UGGT2: variants seen among roughly 807,000 people sequenced by gnomAD.
UGGT2 encodes UDP-glucose glycoprotein glucosyltransferase 2.
In UGGT2, 180 loss-of-function variants were observed where a neutral mutation model predicts 192.1. That is an observed-to-expected ratio of 0.94 (90% confidence interval 0.83 to 1.06). The LOEUF is 1.06. Among genes scored for constraint, UGGT2 ranks in the 50% least tolerant of loss-of-function variants. The probability of loss-of-function intolerance (pLI) is 0.00; values close to 1 mark genes in which losing one functional copy is unlikely to be tolerated. For synonymous variants in UGGT2, 580 were observed against 591.0 expected, an observed-to-expected ratio of 0.98 and a Z score of 0.27; for missense variants, 1,849 against 1,795.7, an observed-to-expected ratio of 1.03 and a Z score of -0.54.
rs1566664253 is a variant in UGGT2 at position 95,902,908 on chromosome 13, T to C, written c.2448A>G (p.Glu816=). 1 of 1,613,592 alleles carries C rather than the reference T, an allele frequency of 6.2e-7. No individual in the cohort carries two copies. The highest frequency in any genetic ancestry group is 8.5e-7 in the Non-Finnish European group (1 of 1,179,662). ...CAGAGTAAATAGCTGTAGCAATTTCTTCCTTTGCCAGTTGCCCAAGAAAGC... is the reference window on the plus strand; with the variant it reads ...CAGAGTAAATAGCTGTAGCAATTTCCTCCTTTGCCAGTTGCCCAAGAAAGC... The part of the protein sequence containing the change: ...LRSFLGQLAK[E]EIATAIYSGD... The change falls in exon 21 of 39, where the codon GAA becomes GAG. Residue 816 remains glutamate, a synonymous_variant. Transcript: ENST00000376747.
intron 38 of UGGT2, among the ~76,000 whole-genome samples, chr13:95,816,178 G>A (rs1034384738): frequency 5.3e-5 from 8 of 152,194 alleles, no homozygotes; most frequent in African/African-American, 1.9e-4. Flanking sequence ...CTTAATGGCA[G>A]TGTAAGAACG....
chr13:95,923,722 C>T (rs565414924), intron 20 of UGGT2, among the ~76,000 whole-genome samples: 9 of 152,182 alleles, frequency 5.9e-5, no homozygotes, highest in East Asian at 3.9e-4. Context: ...ATTATGTATC[C>T]ATTTGAATTC....
intron 36 of UGGT2, among the ~76,000 whole-genome samples, chr13:95,847,626 G>A (rs1398098652): frequency 1.3e-5 from 2 of 152,030 alleles, no homozygotes; most frequent in Non-Finnish European, 2.9e-5. Context: ...GTCTTTTCAT[G>A]GCTTAATAGC....
intron 10 of UGGT2, among the ~76,000 whole-genome samples, chr13:95,976,247 C>T (rs1261427800): frequency 1.3e-5 from 2 of 152,068 alleles, no homozygotes; most frequent in African/African-American, 4.8e-5. Flanking sequence ...CTAAAGATGA[C>T]AGGATTTCTT....
chr13:95,895,301 A>T lies in UGGT2; in HGVS notation c.2638T>A (p.Leu880Ile), dbSNP rs1411629523. ...EMGIVSNGRF[L>I]GPLDEDFYAE... Reference sequence around the variant, plus strand: ...TAAAAATCTTCATCTAAAGGTCCTAAGAACTTAAAATAAAAACAGTTATAT... The same window carrying T: ...TAAAAATCTTCATCTAAAGGTCCTATGAACTTAAAATAAAAACAGTTATAT... Residue 880 changes from leucine (L) to isoleucine (I), a missense_variant, in exon 23 of 39, where the codon TTA (leucine) becomes ATA (isoleucine). Coordinates refer to ENST00000376747, the MANE Select transcript of UGGT2 (RefSeq NM_020121.4). 1 of 1,433,808 alleles carries T rather than the reference A, an allele frequency of 7.0e-7. No homozygotes were observed. The highest frequency in any genetic ancestry group is 9.5e-7 in the Non-Finnish European group (1 of 1,052,800). The allele number at this position is 1,433,808 out of a possible 1,614,324, so 88.8% of individuals were successfully genotyped here.
At chr13:95,856,064 T>C (rs1175558932) in intron 34 of UGGT2, 94 bp downstream of exon 34, 11 of 1,054,212 alleles carry the variant, frequency 1.0e-5, no homozygotes, top group Non-Finnish European at 1.5e-5. Flanking sequence ...GTAATGAAGA[T>C]AATAAACATG....
chr13:95,946,264 C>T (rs2049864344), intron 15 of UGGT2, among the ~76,000 whole-genome samples: 1 of 152,156 alleles, frequency 6.6e-6, no homozygotes, highest in Non-Finnish European at 1.5e-5. Context: ...CTGTATCAAC[C>T]TTACCTCTTT....
intron 36 of UGGT2, among the ~76,000 whole-genome samples, chr13:95,841,748 T>TA (rs1887890167): frequency 6.6e-6 from 1 of 152,254 alleles, no homozygotes; most frequent in Admixed American, 6.5e-5. Flanking sequence ...TTTTATAACT[T>TA]AAAAACATTG....
chr13:95,803,292 C>G (rs191973294), intron 38 of UGGT2, among the ~76,000 whole-genome samples: 75 of 151,848 alleles, frequency 4.9e-4, no homozygotes, highest in Non-Finnish European at 1.0e-3. Flanking sequence ...CGAAGTTTCA[C>G]TCTTGTTGCC....
At chr13:95,926,575 A>C (rs2049022314) in intron 19 of UGGT2, among the ~76,000 whole-genome samples, 1 of 152,192 alleles carries the variant, frequency 6.6e-6, no homozygotes, top group Non-Finnish European at 1.5e-5. Context: ...CTACGGTCCC[A>C]CTGCAGACTT....
chr13:95,918,987 A>T (rs2048763065), intron 20 of UGGT2, among the ~76,000 whole-genome samples: 1 of 152,118 alleles, frequency 6.6e-6, no homozygotes, highest in Non-Finnish European at 1.5e-5. Context: ...CTACTAGCAA[A>T]CCAAATTCAG....
At chr13:95,937,684 A>T (rs979574100) in intron 16 of UGGT2, among the ~76,000 whole-genome samples, 1 of 152,178 alleles carries the variant, frequency 6.6e-6, no homozygotes, top group African/African-American at 2.4e-5. Context: ...GCACCTAATC[A>T]AGCTGGAGTA....
At chr13:95,909,602 T>G (rs1594297094) in intron 20 of UGGT2, among the ~76,000 whole-genome samples, 2 of 68,548 alleles carry the variant, frequency 2.9e-5, no homozygotes, top group Non-Finnish European at 5.1e-5. Flanking sequence ...GGGACTGTTG[T>G]GGGGTGGGGG....
intron 10 of UGGT2, among the ~76,000 whole-genome samples, chr13:95,978,639 T>C (rs1377675560): frequency 6.6e-6 from 1 of 152,224 alleles, no homozygotes; most frequent in Admixed American, 6.5e-5. Context: ...TGTTTTCTTC[T>C]AGCAGTTTCA....
chr13:96,023,135 T>TG lies in UGGT2; in HGVS notation c.389dup (p.Pro131ThrfsTer6). 4 of 1,587,548 alleles carry TG rather than the reference T, an allele frequency of 2.5e-6. No individual in the cohort carries two copies. The highest frequency in any genetic ancestry group is 3.4e-6 in the Non-Finnish European group (4 of 1,165,658). ...CAAATGCATTACAACCATCTGGTGG[T>TG]GGCTCATCAGCTGCAATCTAAGATT... On this transcript the variant is annotated frameshift_variant, in exon 4 of 39. Coordinates refer to ENST00000376747, the MANE Select transcript of UGGT2 (RefSeq NM_020121.4). LOFTEE classifies it high-confidence loss of function.
chr13:95,852,466 T>A (rs1243776563), intron 36 of UGGT2, among the ~76,000 whole-genome samples: 2 of 152,200 alleles, frequency 1.3e-5, no homozygotes, highest in African/African-American at 4.8e-5. Context: ...CTCTCTATCA[T>A]GCTTTCATGG....
chr13:95,967,545 C>T (rs1245485001), intron 12 of UGGT2, among the ~76,000 whole-genome samples: 1 of 148,000 alleles, frequency 6.8e-6, no homozygotes, highest in Admixed American at 6.8e-5. Context: ...GCGATCCTGG[C>T]TCACTGCAAC....
intron 38 of UGGT2, among the ~76,000 whole-genome samples, chr13:95,830,861 A>G (rs1886600876): frequency 6.6e-6 from 1 of 152,206 alleles, no homozygotes; most frequent in South Asian, 2.1e-4. Flanking sequence ...CACAATAGCA[A>G]AGACTTGGAA....
At chr13:95,810,845 T>A (rs1384786646) in intron 38 of UGGT2, among the ~76,000 whole-genome samples, 2 of 151,858 alleles carry the variant, frequency 1.3e-5, no homozygotes, top group South Asian at 2.1e-4. Flanking sequence ...TGGGAAAAAA[T>A]TTTATAAATT....
Sources: allele counts gnomAD v4.1 joint callset (sites outside exome capture counted in the v4.1 genomes callset), GRCh38; gene constraint gnomAD v4.1.1; transcripts MANE v1.5; gene names NCBI Gene and HGNC (gene_info 2026-07-23, HGNC 2026-07-21).